Variants in MGA observed in about 807,000 individuals in gnomAD.
The protein encoded by MGA is MAX dimerization protein MGA, also known as MAX gene-associated protein.
MGA carries 40 observed loss-of-function variants against 261.1 expected under a neutral mutation model. The observed-to-expected ratio is 0.15, with a 90% CI of 0.12 to 0.20. The LOEUF is 0.20. Ranked by LOEUF, MGA falls within the 10% of genes least tolerant of loss-of-function variation. The probability of loss-of-function intolerance (pLI) is 1.00; values close to 1 mark genes in which losing one functional copy is unlikely to be tolerated. For synonymous variants in MGA, 1,302 were observed against 1,290.6 expected (o/e 1.01, Z -0.19); for missense variants, 3,397 against 3,630.5 (o/e 0.94, Z 1.65).
chr15:41,689,269 C>T (rs374194276), intron 2 of MGA, among the ~76,000 whole-genome samples: 1 of 151,504 alleles, frequency 6.6e-6, no homozygotes, highest in East Asian at 1.9e-4. Flanking sequence ...CTCTGTGGCT[C>T]GCTCTCATCC....
chr15:41,746,412 T>C (rs1400233421), intron 15 of MGA, among the ~76,000 whole-genome samples: 1 of 151,864 alleles, frequency 6.6e-6, no homozygotes, highest in African/African-American at 2.4e-5. Context: ...GATGTGGTGG[T>C]TGCATGCCTG....
rs989590680 is a variant in MGA at position 41,650,646 on chromosome 15, C to T, written c.-67-18182C>T. Among the ~76,000 whole-genome samples, 12 of 152,218 alleles carry T rather than the reference C, an allele frequency of 7.9e-5. No individual in the cohort carries two copies. The East Asian group carries it at 1.5e-3, about 20-fold the overall frequency. On this transcript the variant is annotated intron_variant, in intron 1 of 8. Transcript: ENST00000566718. ...AGAGATAGGGTTTCACCATGTTGGC[C>T]AGGCTGGTCTCAAACTCCTGACCTC... is the stretch of plus-strand genomic sequence containing the variant.
chr15:41,722,372 G>A (rs771370954), intron 9 of MGA, among the ~76,000 whole-genome samples: 8 of 151,958 alleles, frequency 5.3e-5, no homozygotes, highest in African/African-American at 9.7e-5. Flanking sequence ...CTCGTGATCC[G>A]CCTGCCTCGG....
rs575821330 is a variant in MGA at position 41,766,412 on chromosome 15, A to C, written c.8330A>C (p.Lys2777Thr). The change falls in exon 24 of 24, where the codon AAA becomes ACA. Residue 2777 changes from lysine to threonine, a missense_variant. This residue lies in a region of MGA where 647 missense variants were observed against 642.4 expected (regional missense o/e 1.01). Transcript: ENST00000219905. The stretch of plus-strand genomic sequence containing the variant: ...AAGTCAAAGGATTCTTCATTTCATA[A>C]ATTAAAGATGAAAGATCTCAAGGAC... 17 of 1,613,892 alleles carry C rather than the reference A, an allele frequency of 1.1e-5. No individual in the cohort carries two copies. In the South Asian group the frequency reaches 1.5e-4, roughly 15 times the overall value.
Position 41,660,742 on chromosome 15 carries a change from G to A in MGA, c.-68+217G>A, listed in dbSNP as rs116557968. Among the ~76,000 whole-genome samples, 758 of 152,292 alleles carry A rather than the reference G, an allele frequency of 5.0e-3. 6 individuals are homozygous for A. Among genetic ancestry groups the A allele is most frequent in the African/African-American group, 0.018 (734 of 41,576 alleles). ...GCATGTCACCTCGCGCGCGTCCCCGGCCTCACTTCCGCGTCGCTCAGCTAC... is the reference window on the plus strand; with the variant it reads ...GCATGTCACCTCGCGCGCGTCCCCGACCTCACTTCCGCGTCGCTCAGCTAC... On this transcript the variant is annotated intron_variant, in intron 1 of 23. Coordinates refer to ENST00000219905, the MANE Select transcript of MGA (RefSeq NM_001164273.2).
At chr15:41,718,609 G>T (rs757248055) in intron 9 of MGA, 13 of 320,128 alleles carry the variant, frequency 4.1e-5, no homozygotes, top group Non-Finnish European at 7.2e-5. Flanking sequence ...AGATGTTTTG[G>T]GATTTTTACA....
At chr15:41,737,989 A>G (rs894385578) in intron 13 of MGA, among the ~76,000 whole-genome samples, 1 of 151,882 alleles carries the variant, frequency 6.6e-6, no homozygotes, top group South Asian at 2.1e-4. Context: ...AAAAAAAAAA[A>G]GTGCACTTTT....
At chr15:41,674,027 G>A (rs1360640807) in intron 2 of MGA, among the ~76,000 whole-genome samples, 1 of 152,096 alleles carries the variant, frequency 6.6e-6, no homozygotes, top group African/African-American at 2.4e-5. Context: ...GAGTAGCTGG[G>A]ATTACAGGCA....
intron 2 of MGA, among the ~76,000 whole-genome samples, chr15:41,677,957 C>G (rs943636330): frequency 6.6e-6 from 1 of 152,004 alleles, no homozygotes; most frequent in Non-Finnish European, 1.5e-5. Context: ...ATTCTTTATT[C>G]TCTTACCTGT....
At chr15:41,663,950 A>T (rs1015362208) in intron 1 of MGA, among the ~76,000 whole-genome samples, 4 of 152,198 alleles carry the variant, frequency 2.6e-5, no homozygotes, top group African/African-American at 4.8e-5. Flanking sequence ...GTAGCTCCAA[A>T]CCTAGGCATA....
chr15:41,738,979 A>G (rs550564359), intron 13 of MGA, among the ~76,000 whole-genome samples: 1 of 152,294 alleles, frequency 6.6e-6, no homozygotes, highest in African/African-American at 2.4e-5. Flanking sequence ...CCTGTTAGAG[A>G]GTAGATTCTA....
chr15:41,659,855 A>G (rs569806610), upstream of MGA, among the ~76,000 whole-genome samples: 1 of 152,200 alleles, frequency 6.6e-6, no homozygotes, highest in African/African-American at 2.4e-5. Flanking sequence ...CCATTTTCCT[A>G]GTCGTCTTCG....
At chr15:41,629,248 A>G (rs8029182) in intron 1 of MGA, among the ~76,000 whole-genome samples, 2,076 of 152,210 alleles carry the variant, frequency 0.014, 23 homozygotes, top group Non-Finnish European at 0.02. Flanking sequence ...GGATTTGCTG[A>G]TAGATTAGCT....
rs76821220 is a variant in MGA, at chr15:41,731,797, G to A, written c.3843+2448G>A. On this transcript the variant is annotated intron_variant, in intron 11 of 23. Coordinates refer to ENST00000219905, the MANE Select transcript of MGA (RefSeq NM_001164273.2). Reference sequence around the variant, plus strand: ...GATCATTTTCTCAATTTTAAGAAATGGGATTAGGCATCTCTTAAACATGTG... The same window carrying A: ...GATCATTTTCTCAATTTTAAGAAATAGGATTAGGCATCTCTTAAACATGTG... Among the ~76,000 whole-genome samples, 1,169 of 152,292 alleles carry A rather than the reference G, an allele frequency of 7.7e-3. 10 individuals are homozygous for A. Among genetic ancestry groups the A allele is most frequent in the African/African-American group, 0.027 (1,123 of 41,556 alleles).
chr15:41,731,344 A>G (rs2061500117), intron 11 of MGA, among the ~76,000 whole-genome samples: 1 of 152,124 alleles, frequency 6.6e-6, no homozygotes, highest in Non-Finnish European at 1.5e-5. Context: ...GCATTTATCT[A>G]TGTATCTATG....
At chr15:41,751,553 G>A (rs992226174) in intron 17 of MGA, 12 of 152,018 alleles carry the variant, frequency 7.9e-5, no homozygotes, top group African/African-American at 2.2e-4. Context: ...ACAAAACCCC[G>A]TGTCTACTAA....
intron 19 of MGA, 85 bp from the exon 20 acceptor site, chr15:41,760,238 C>T: frequency 1.5e-6 from 2 of 1,316,418 alleles, no homozygotes; most frequent in East Asian, 2.3e-5. Context: ...TAATGAGTGC[C>T]TGAAATAGGG....
intron 14 of MGA, 30 bp from the exon 15 acceptor site, chr15:41,742,516 G>A: frequency 6.3e-7 from 1 of 1,599,302 alleles, no homozygotes; most frequent in Non-Finnish European, 8.5e-7. Flanking sequence ...GAGAACTGAA[G>A]ATTTTTGACC....
chr15:41,766,948 G>C lies in MGA; in HGVS notation c.8866G>C (p.Ala2956Pro). The C allele has an allele frequency of 6.2e-7, 1 of 1,613,982 alleles. No individual in the cohort carries two copies. The highest frequency in any genetic ancestry group is 8.5e-7 in the Non-Finnish European group (1 of 1,179,876). Reference sequence around the variant, plus strand: ...AGGGAAGAATACTTCTGGCCTCCCTGCAGAGCCCGAAAGTGTGTCCTCACC... The same window carrying C: ...AGGGAAGAATACTTCTGGCCTCCCTCCAGAGCCCGAAAGTGTGTCCTCACC... The change falls in exon 24 of 24, where the codon GCA becomes CCA. Residue 2956 changes from alanine to proline, a missense_variant. Physicochemically the swap from Ala to Pro is conservative, Grantham distance 27 (BLOSUM62 -1). Around this residue, in one of 9 missense-constraint regions of MGA, gnomAD observed 647 missense variants for 642.4 expected, o/e 1.01. Coordinates refer to ENST00000219905, the MANE Select transcript of MGA (RefSeq NM_001164273.2).
Sources: gnomAD v4.1 joint callset for allele counts (sites outside exome capture counted in the v4.1 genomes callset) on GRCh38, gnomAD v4.1.1 for gene constraint, gnomAD v4.1.1 regional missense constraint, MANE v1.5 for transcripts, NCBI Gene and HGNC (gene_info 2026-07-23, HGNC 2026-07-21) for gene names.